The following EYS variants were observed in gnomAD, a reference collection of about 807,000 sequenced individuals.
EYS encodes the protein EGF-like photoreceptor maintenance factor, also known as protein eyes shut homolog.
EYS carries 250 observed loss-of-function variants against 282.1 expected under a neutral mutation model. The ratio of observed to expected loss-of-function variants is 0.89; its 90% CI spans 0.80 to 0.98. The LOEUF (loss-of-function observed/expected upper bound fraction) is 0.98. Among genes scored for constraint, EYS ranks in the 50% least tolerant of loss-of-function variants. The probability of loss-of-function intolerance (pLI) is 0.00; values close to 1 mark genes in which losing one functional copy is unlikely to be tolerated. For missense variants in EYS, 4,016 were observed against 3,709.0 expected (o/e 1.08, Z -2.15); for synonymous variants, 1,355 against 1,282.9 (o/e 1.06, Z -1.20).
intron 26 of EYS, among the ~76,000 whole-genome samples, chr6:64,442,672 T>C (rs1774988772): frequency 1.3e-5 from 2 of 152,266 alleles, no homozygotes; most frequent in South Asian, 4.1e-4. Flanking sequence ...CAGCCATGAC[T>C]AAAAGGGGCC....
intron 31 of EYS, among the ~76,000 whole-genome samples, chr6:64,156,391 T>C (rs188378955): frequency 6.6e-6 from 1 of 151,928 alleles, no homozygotes; most frequent in Non-Finnish European, 1.5e-5. Context: ...CCTCTTTTTT[T>C]CCCCCAGTCT....
intron 34 of EYS, among the ~76,000 whole-genome samples, chr6:63,989,041 G>C (rs75501640): frequency 6.6e-6 from 1 of 151,610 alleles, no homozygotes; most frequent in African/African-American, 2.4e-5. Context: ...ATGACATCCT[G>C]ATTTAATGTT....
At chr6:63,750,012 T>G (rs952103425) in intron 41 of EYS, among the ~76,000 whole-genome samples, 1 of 152,244 alleles carries the variant, frequency 6.6e-6, no homozygotes, top group Non-Finnish European at 1.5e-5. Context: ...TGCCAATTCC[T>G]TCTCCTGTCA....
At chr6:64,082,912 CT>C (rs34941425) in intron 31 of EYS, among the ~76,000 whole-genome samples, 358 of 142,378 alleles carry the variant, frequency 2.5e-3, no homozygotes, top group South Asian at 0.013. Flanking sequence ...AATGCAACTT[CT>C]TTTTTTTTTT....
chr6:63,948,321 C>T (rs1765459392), intron 35 of EYS, among the ~76,000 whole-genome samples: 1 of 152,234 alleles, frequency 6.6e-6, no homozygotes, highest in South Asian at 2.1e-4. Flanking sequence ...ATTGCTTTCT[C>T]ATAGCATGTG....
intron 12 of EYS, among the ~76,000 whole-genome samples, chr6:65,093,772 T>C (rs1774641903): frequency 6.6e-6 from 1 of 151,812 alleles, no homozygotes; most frequent in Non-Finnish European, 1.5e-5. Context: ...TTAAAAGTCC[T>C]CACTTACAAT....
intron 22 of EYS, among the ~76,000 whole-genome samples, chr6:64,786,353 T>C (rs1774020362): frequency 6.6e-6 from 1 of 151,956 alleles, no homozygotes; most frequent in Non-Finnish European, 1.5e-5. Context: ...CAGGTGTATA[T>C]ATAGACGTTG....
At chr6:65,281,773 A>G (rs1270614248) in intron 12 of EYS, among the ~76,000 whole-genome samples, 1 of 152,148 alleles carries the variant, frequency 6.6e-6, no homozygotes, top group Non-Finnish European at 1.5e-5. Flanking sequence ...TTGAAAGCTC[A>G]TAACAGATGA....
At chr6:64,159,182 A>C (rs1204466038) in intron 31 of EYS, among the ~76,000 whole-genome samples, 1 of 152,182 alleles carries the variant, frequency 6.6e-6, no homozygotes, top group African/African-American at 2.4e-5. Flanking sequence ...ACATTAAATA[A>C]TCTCCAGATT....
chr6:64,593,337 T>C (rs1264355310), intron 24 of EYS, 28 bp from the exon 25 acceptor site: 1 of 1,510,624 alleles, frequency 6.6e-7, no homozygotes, highest in African/African-American at 1.4e-5. Context: ...AGTAATTAAA[T>C]TAAGCTCAGT....
intron 19 of EYS, among the ~76,000 whole-genome samples, chr6:64,854,313 C>T (rs933623489): frequency 7.2e-5 from 11 of 152,008 alleles, no homozygotes; most frequent in South Asian, 2.1e-4. Context: ...ATGTTTATTG[C>T]GGCACTATTC....
In EYS at chr6:65,378,398, G is replaced by A. The variant is rs78927392; in HGVS notation, c.1299+5988C>T. On this transcript the variant is annotated intron_variant, in intron 8 of 42. Coordinates refer to ENST00000503581, the MANE Select transcript of EYS (RefSeq NM_001142800.2). Reference sequence around the variant, plus strand: ...GTCAGGAATCAACAGATGCTGGAGAGGATGTGGAGAAATAGGAACGCTTTT... The same window carrying A: ...GTCAGGAATCAACAGATGCTGGAGAAGATGTGGAGAAATAGGAACGCTTTT... 3.4e-3 allele frequency among the ~76,000 whole-genome samples: 518 copies of A among 152,298 alleles called. 1 individual carries two copies. Among genetic ancestry groups the A allele is most frequent in the Non-Finnish European group, 5.5e-3 (373 of 68,024 alleles).
intron 26 of EYS, among the ~76,000 whole-genome samples, chr6:64,540,285 A>G (rs79256970): frequency 0.014 from 2,095 of 152,224 alleles, 59 homozygotes; most frequent in East Asian, 0.11. Flanking sequence ...AGGAAAAGAA[A>G]GTTAGCAGGA....
In EYS at chr6:64,661,892, C is replaced by G. The variant is rs545009387; in HGVS notation, c.3444-35647G>C. 8.6e-3 allele frequency among the ~76,000 whole-genome samples: 1,206 copies of G among 140,912 alleles called. 21 individuals carry two copies. Among genetic ancestry groups the G allele is most frequent in the African/African-American group, 0.032 (1,159 of 36,694 alleles). 92.4% of individuals were successfully genotyped at this position (140,912 alleles called of 152,430 possible). A position where few individuals can be genotyped will look rare whatever the true frequency, so the allele number is the denominator to read the frequency against. ...GCCATCCCATTACTGGGTATATACCCAAAGTATTATAAATCATGCTGCTAT... is the reference window on the plus strand; with the variant it reads ...GCCATCCCATTACTGGGTATATACCGAAAGTATTATAAATCATGCTGCTAT... On this transcript the variant is annotated intron_variant, in intron 22 of 42. Transcript: ENST00000503581.
chr6:65,086,610 T>C (rs1316855021), intron 12 of EYS, among the ~76,000 whole-genome samples: 1 of 152,118 alleles, frequency 6.6e-6, no homozygotes, highest in Admixed American at 6.6e-5. Context: ...AAAACATCAT[T>C]TATATAGAAA....
At chr6:64,585,879 T>A (rs1264961976) in intron 26 of EYS, among the ~76,000 whole-genome samples, 1 of 152,156 alleles carries the variant, frequency 6.6e-6, no homozygotes, top group Non-Finnish European at 1.5e-5. Flanking sequence ...ACTTTTCAAA[T>A]ATTGTATGTA....
intron 22 of EYS, among the ~76,000 whole-genome samples, chr6:64,691,129 T>A (rs1399889171): frequency 6.6e-6 from 1 of 152,084 alleles, no homozygotes; most frequent in East Asian, 1.9e-4. Flanking sequence ...ATTAGCAAAT[T>A]ACAAATAAAA....
At chr6:64,986,457 T>C (rs1468754381) in intron 14 of EYS, among the ~76,000 whole-genome samples, 1 of 151,366 alleles carries the variant, frequency 6.6e-6, no homozygotes, top group Non-Finnish European at 1.5e-5. Flanking sequence ...CCTTGAATTA[T>C]TGGAAGATCC....
Position 65,350,831 on chromosome 6 carries a change from T to C in EYS, c.1459+2627A>G, listed in dbSNP as rs181190637. 2.1e-3 allele frequency among the ~76,000 whole-genome samples: 325 copies of C among 151,760 alleles called. 4 individuals are homozygous for C. The highest frequency in any genetic ancestry group is 9.5e-4 in the Non-Finnish European group (64 of 67,706). On this transcript the variant is annotated intron_variant, in intron 9 of 42. Coordinates refer to ENST00000503581, the MANE Select transcript of EYS (RefSeq NM_001142800.2). Reference sequence around the variant, plus strand: ...CTAATTAATCACCATCCCTTCTCTGTAGAGCAATCATATTGGCAAGAATTG... The same window carrying C: ...CTAATTAATCACCATCCCTTCTCTGCAGAGCAATCATATTGGCAAGAATTG...
Sources: allele counts gnomAD v4.1 joint callset (sites outside exome capture counted in the v4.1 genomes callset), GRCh38; gene constraint gnomAD v4.1.1; transcripts MANE v1.5; gene names NCBI Gene and HGNC (gene_info 2026-07-23, HGNC 2026-07-21).